Variants in TANC2 observed in about 807,000 individuals in gnomAD.
The protein encoded by TANC2 is protein TANC2.
Under a neutral mutation model 210.5 loss-of-function variants are expected in TANC2, and 26 were observed. That is an observed-to-expected ratio of 0.12 (90% confidence interval 0.09 to 0.17). TANC2 has a LOEUF of 0.17. TANC2 is among the 10% of genes least tolerant of loss of function. The pLI is 1.00. For synonymous variants in TANC2, 931 were observed against 967.1 expected, an observed-to-expected ratio of 0.96 and a Z score of 0.69; for missense variants, 2,129 against 2,608.9, an observed-to-expected ratio of 0.82 and a Z score of 4.01.
chr17:63,033,519 A>G (rs1321949376), intron 2 of TANC2, among the ~76,000 whole-genome samples: 2 of 152,164 alleles, frequency 1.3e-5, no homozygotes, highest in East Asian at 1.9e-4. Flanking sequence ...TCCCAACACT[A>G]TAAGCGTTTG....
At chr17:63,095,345 C>T (rs2037348418) in intron 3 of TANC2, among the ~76,000 whole-genome samples, 1 of 151,848 alleles carries the variant, frequency 6.6e-6, no homozygotes, top group Admixed American at 6.6e-5. Flanking sequence ...TAATATTTTT[C>T]GTTTTTGTAG....
At chr17:63,031,072 A>T (rs995472672) in intron 2 of TANC2, among the ~76,000 whole-genome samples, 1 of 151,256 alleles carries the variant, frequency 6.6e-6, no homozygotes, top group Non-Finnish European at 1.5e-5. Context: ...CTGGGCCCCA[A>T]ACTATAGGAT....
chr17:63,327,254 C>T (rs1337190867), intron 11 of TANC2, among the ~76,000 whole-genome samples: 1 of 152,190 alleles, frequency 6.6e-6, no homozygotes, highest in East Asian at 1.9e-4. Context: ...GAGAAAAGGG[C>T]ACTCTTTACG....
intron 2 of TANC2, among the ~76,000 whole-genome samples, chr17:63,057,984 T>C (rs2035864718): frequency 6.6e-6 from 1 of 152,180 alleles, no homozygotes; most frequent in Non-Finnish European, 1.5e-5. Flanking sequence ...AGTAATTCTG[T>C]TTTTAGTTCT....
intron 7 of TANC2, among the ~76,000 whole-genome samples, chr17:63,207,554 C>T (rs1032637250): frequency 2.6e-5 from 4 of 152,162 alleles, no homozygotes; most frequent in African/African-American, 9.6e-5. Context: ...ACCTCAGATA[C>T]ATTCATGTTG....
In TANC2 at chr17:63,387,719, A is replaced by G. The variant is rs77862350; in HGVS notation, c.2692-916A>G. On this transcript the variant is annotated intron_variant, in intron 15 of 27. Coordinates refer to ENST00000689528, the Ensembl canonical transcript of TANC2. ...GATGATTGTCAGAGAGTGTCTAACA[A>G]TCAGGAGATCTGAAGAACAAATTAT... Among the ~76,000 whole-genome samples, 477 of 152,338 alleles carry G rather than the reference A, an allele frequency of 3.1e-3. 3 individuals are homozygous for G. The highest frequency in any genetic ancestry group is 0.011 in the African/African-American group (458 of 41,586).
At chr17:63,201,428 T>A (rs1237749023) in intron 7 of TANC2, among the ~76,000 whole-genome samples, 1 of 152,178 alleles carries the variant, frequency 6.6e-6, no homozygotes, top group Admixed American at 6.5e-5. Flanking sequence ...GACTTTGTTT[T>A]TCTTCTTGTC....
At chr17:62,989,917 C>T (rs1026461775) in intron 1 of TANC2, among the ~76,000 whole-genome samples, 22 of 151,670 alleles carry the variant, frequency 1.5e-4, no homozygotes, top group Admixed American at 3.9e-4. Flanking sequence ...ACTACAGGTG[C>T]GCACCGCCAC....
intron 7 of TANC2, among the ~76,000 whole-genome samples, chr17:63,213,973 G>A (rs772266337): frequency 1.2e-4 from 18 of 152,146 alleles, no homozygotes; most frequent in Non-Finnish European, 2.4e-4. Context: ...GGAAGCAAGC[G>A]TGAAGGAAAG....
intron 6 of TANC2, among the ~76,000 whole-genome samples, chr17:63,195,481 C>G (rs534991482): frequency 5.9e-5 from 9 of 152,290 alleles, no homozygotes; most frequent in African/African-American, 2.2e-4. Context: ...GATCCCTTCT[C>G]ACTATTCCCA....
At chr17:63,124,493 G>A (rs1010808180) in intron 4 of TANC2, among the ~76,000 whole-genome samples, 1 of 152,088 alleles carries the variant, frequency 6.6e-6, no homozygotes, top group Admixed American at 6.5e-5. Flanking sequence ...GTCTACATTT[G>A]GCAAATATTT....
chr17:63,084,020 T>C (rs974863835), intron 3 of TANC2, among the ~76,000 whole-genome samples: 1 of 152,222 alleles, frequency 6.6e-6, no homozygotes, highest in Non-Finnish European at 1.5e-5. Context: ...AAGTAGTCCT[T>C]CTGCTTCTAC....
At chr17:62,967,656 G>A (rs1264949198) in intron 1 of TANC2, 1 of 152,168 alleles carries the variant, frequency 6.6e-6, no homozygotes, top group African/African-American at 2.4e-5. Context: ...CCCTTTTCCT[G>A]ATTTTTACAC....
chr17:63,258,233 G>A (rs1162464426), intron 8 of TANC2, among the ~76,000 whole-genome samples: 2 of 152,098 alleles, frequency 1.3e-5, no homozygotes, highest in Non-Finnish European at 2.9e-5. Flanking sequence ...AGATGTAGTG[G>A]AGCTCCTTTG....
chr17:63,072,685 A>G (rs1194694427), intron 2 of TANC2, among the ~76,000 whole-genome samples: 1 of 152,096 alleles, frequency 6.6e-6, no homozygotes, highest in African/African-American at 2.4e-5. Context: ...ACTAAGAGAT[A>G]TGAATATTTC....
At chr17:63,399,870 G>A (rs1171070871) in intron 19 of TANC2, among the ~76,000 whole-genome samples, 1 of 152,138 alleles carries the variant, frequency 6.6e-6, no homozygotes, top group African/African-American at 2.4e-5. Flanking sequence ...ATGTGGAATG[G>A]TCCAAAACTC....
At chr17:63,246,309 AAAC>A (rs887955999) in intron 8 of TANC2, among the ~76,000 whole-genome samples, 42 of 152,010 alleles carry the variant, frequency 2.8e-4, no homozygotes, top group African/African-American at 9.4e-4. Flanking sequence ...ATTTTTTTAA[AAAC>A]AAGTATATTG....
intron 9 of TANC2, among the ~76,000 whole-genome samples, chr17:63,282,750 T>C (rs1001323353): frequency 6.6e-6 from 1 of 152,144 alleles, no homozygotes; most frequent in Admixed American, 6.6e-5. Context: ...GATGTCTCAC[T>C]GCGCCTTTAA....
rs556269675 is a variant in TANC2 at position 63,326,548 on chromosome 17, A to T, written c.1575+7458A>T. On this transcript the variant is annotated intron_variant, in intron 11 of 27. Coordinates refer to ENST00000689528, the Ensembl canonical transcript of TANC2. ...AAAATTTTACCAGCCTGGGCAACAT[A>T]GTGAGACCCTGTTTCTATGAAGAAA... Among the ~76,000 whole-genome samples the T allele has an allele frequency of 2.0e-5, 3 of 152,192 alleles. No individual in the cohort carries two copies. In the East Asian group the frequency reaches 5.8e-4, roughly 29 times the overall value.
Sources: gnomAD v4.1 joint callset for allele counts (sites outside exome capture counted in the v4.1 genomes callset) on GRCh38, gnomAD v4.1.1 for gene constraint, MANE v1.5 for transcripts, NCBI Gene and HGNC (gene_info 2026-07-23, HGNC 2026-07-21) for gene names.